LRMDA: variants seen among roughly 807,000 people sequenced by gnomAD.
LRMDA encodes leucine rich melanocyte differentiation associated, also known as leucine-rich melanocyte differentiation-associated protein.
In LRMDA, 18 loss-of-function variants were observed where a neutral mutation model predicts 29.8. The observed-to-expected ratio is 0.60, with a 90% confidence interval of 0.42 to 0.90. The LOEUF (loss-of-function observed/expected upper bound fraction) is 0.90, where lower values mean the gene tolerates loss of function less well. Among genes scored for constraint, LRMDA ranks in the 40% least tolerant of loss-of-function variants. The pLI, the probability that LRMDA is intolerant of heterozygous loss-of-function variation, is 0.00. For synonymous variants in LRMDA, 125 were observed against 109.4 expected, an observed-to-expected ratio of 1.14 and a Z score of -0.89; for missense variants, 273 against 273.9, an observed-to-expected ratio of 1.00 and a Z score of 0.02.
chr10:76,452,245 T>C (rs1004947112), intron 6 of LRMDA, among the ~76,000 whole-genome samples: 2 of 152,100 alleles, frequency 1.3e-5, no homozygotes, highest in Non-Finnish European at 2.9e-5. Flanking sequence ...ATGTAGACAA[T>C]AATATATGGT....
chr10:75,572,368 G>T (rs533472256), intron 2 of LRMDA, among the ~76,000 whole-genome samples: 1 of 148,332 alleles, frequency 6.7e-6, no homozygotes, highest in African/African-American at 2.5e-5. Flanking sequence ...TGCAGTTATC[G>T]CCATTTACCA....
chr10:75,997,895 CCT>C (rs1360485210), intron 2 of LRMDA, among the ~76,000 whole-genome samples: 1 of 152,206 alleles, frequency 6.6e-6, no homozygotes, highest in Non-Finnish European at 1.5e-5. Flanking sequence ...TTCCTCTCCC[CCT>C]CTCTCCCCAA....
At chr10:76,418,771 G>A (rs1460599877) in intron 6 of LRMDA, among the ~76,000 whole-genome samples, 2 of 151,848 alleles carry the variant, frequency 1.3e-5, no homozygotes, top group African/African-American at 4.8e-5. Context: ...AATTAGAAAA[G>A]GCATCTTTTC....
At chr10:76,174,853 C>T (rs1400583479) in intron 5 of LRMDA, among the ~76,000 whole-genome samples, 3 of 151,412 alleles carry the variant, frequency 2.0e-5, no homozygotes, top group Non-Finnish European at 4.4e-5. Context: ...GGTGCGGTGG[C>T]TCACGCCTGT....
intron 5 of LRMDA, among the ~76,000 whole-genome samples, chr10:76,244,644 G>A (rs1852341209): frequency 6.6e-6 from 1 of 152,146 alleles, no homozygotes; most frequent in Non-Finnish European, 1.5e-5. Context: ...TACATTCCCA[G>A]CCATGGAGAA....
chr10:75,475,833 A>C (rs1333587249), intron 2 of LRMDA, among the ~76,000 whole-genome samples: 1 of 152,144 alleles, frequency 6.6e-6, no homozygotes, highest in African/African-American at 2.4e-5. Context: ...CATGAAATAA[A>C]ATGATTTATA....
rs78038569 is a variant in LRMDA at position 75,786,158 on chromosome 10, T to C, written c.132-249850T>C. Among the ~76,000 whole-genome samples, 237 of 152,356 alleles carry C rather than the reference T, an allele frequency of 1.6e-3. 1 individual carries two copies. The East Asian group carries it at 0.029, about 18-fold the overall frequency. On this transcript the variant is annotated intron_variant, in intron 2 of 6. Coordinates refer to ENST00000611255, the MANE Select transcript of LRMDA (RefSeq NM_001305581.2). ...AGTTGGTTATTACATTGTTCAGTTA[T>C]GAGCAGATGAGGCCTAGAAAAATCT...
At chr10:75,990,079 A>G (rs1847340963) in intron 2 of LRMDA, among the ~76,000 whole-genome samples, 1 of 152,234 alleles carries the variant, frequency 6.6e-6, no homozygotes, top group South Asian at 2.1e-4. Flanking sequence ...GACAGGTGAC[A>G]CAAGATGAAA....
chr10:76,030,000 A>G (rs751034305), intron 2 of LRMDA, among the ~76,000 whole-genome samples: 15 of 152,132 alleles, frequency 9.9e-5, no homozygotes, highest in Non-Finnish European at 2.1e-4. Context: ...GGCTCAAGCG[A>G]TTCTCTTGCC....
intron 2 of LRMDA, among the ~76,000 whole-genome samples, chr10:75,583,996 G>T (rs776809698): frequency 6.6e-6 from 1 of 152,018 alleles, no homozygotes; most frequent in African/African-American, 2.4e-5. Context: ...CCCCCATAGG[G>T]ACTGTCCTTC....
At chr10:75,686,989 A>G (rs1050622088) in intron 2 of LRMDA, among the ~76,000 whole-genome samples, 1 of 152,214 alleles carries the variant, frequency 6.6e-6, no homozygotes, top group Non-Finnish European at 1.5e-5. Flanking sequence ...CCTTACCCAT[A>G]TAAGACAGAG....
chr10:76,249,283 C>A (rs1335482336), intron 5 of LRMDA, among the ~76,000 whole-genome samples: 1 of 152,298 alleles, frequency 6.6e-6, no homozygotes, highest in African/African-American at 2.4e-5. Flanking sequence ...TGGCTAGATT[C>A]TCAGTGAGAT....
At chr10:75,481,075 C>A (rs77519564) in intron 2 of LRMDA, among the ~76,000 whole-genome samples, 6,306 of 152,054 alleles carry the variant, frequency 0.041, 181 homozygotes, top group Non-Finnish European at 0.06. Context: ...GTTTGAGGTG[C>A]CTTTGGGCCA....
At chr10:76,433,340 AG>A (rs1313472271) in intron 6 of LRMDA, among the ~76,000 whole-genome samples, 2 of 152,172 alleles carry the variant, frequency 1.3e-5, no homozygotes, top group Non-Finnish European at 2.9e-5. Context: ...CCAAGTACAA[AG>A]GTATCAGGTT....
At chr10:75,835,998 A>T (rs7079119) in intron 2 of LRMDA, among the ~76,000 whole-genome samples, 56,698 of 152,018 alleles carry the variant, frequency 0.37, 12,415 homozygotes, top group South Asian at 0.54. Context: ...AGCATTATCA[A>T]GCACAGTTTC....
chr10:76,517,516 T>G (rs1465905189), intron 6 of LRMDA, among the ~76,000 whole-genome samples: 2 of 151,902 alleles, frequency 1.3e-5, no homozygotes, highest in Non-Finnish European at 1.5e-5. Context: ...CAAGAAGGAG[T>G]GCAAAATAAG....
rs190329645 is a variant in LRMDA at position 76,228,187 on chromosome 10, A to G, written c.517-96214A>G. On this transcript the variant is annotated intron_variant, in intron 5 of 6. Coordinates refer to ENST00000611255, the MANE Select transcript of LRMDA (RefSeq NM_001305581.2). ...TAGGCACACGCCACCACGCCCAGCT[A>G]ATTTTTATATTTTTAGTAGAGACGG... Among the ~76,000 whole-genome samples, 1,039 of 151,960 alleles carry G rather than the reference A, an allele frequency of 6.8e-3. 21 individuals carry two copies. Among genetic ancestry groups the G allele is most frequent in the African/African-American group, 0.024 (988 of 41,444 alleles).
intron 2 of LRMDA, among the ~76,000 whole-genome samples, chr10:76,035,411 A>G (rs1345000614): frequency 6.6e-6 from 1 of 152,182 alleles, no homozygotes; most frequent in Non-Finnish European, 1.5e-5. Context: ...GGCAGAAGCA[A>G]ATTAAGTGAT....
chr10:75,745,941 G>A (rs1474932871), intron 2 of LRMDA, among the ~76,000 whole-genome samples: 1 of 152,178 alleles, frequency 6.6e-6, no homozygotes, highest in Non-Finnish European at 1.5e-5. Context: ...TTTGGGAAAA[G>A]TACCACACAG....
Sources: gnomAD v4.1 joint callset for allele counts (sites outside exome capture counted in the v4.1 genomes callset) on GRCh38, gnomAD v4.1.1 for gene constraint, MANE v1.5 for transcripts, NCBI Gene and HGNC (gene_info 2026-07-23, HGNC 2026-07-21) for gene names.